Variants in MYCBP2 observed in about 807,000 individuals in gnomAD.
MYCBP2 encodes the protein E3 ubiquitin-protein ligase MYCBP2.
MYCBP2 carries 120 observed loss-of-function variants against 525.3 expected under a neutral mutation model. The ratio of observed to expected loss-of-function variants is 0.23; its 90% CI spans 0.20 to 0.27. The LOEUF (loss-of-function observed/expected upper bound fraction) is 0.27, where lower values mean the gene tolerates loss of function less well. Ranked by LOEUF, MYCBP2 falls within the 10% of genes least tolerant of loss-of-function variation. The pLI is 1.00. For missense variants in MYCBP2, 4,149 were observed against 5,657.1 expected (o/e 0.73, Z 8.55); for synonymous variants, 1,894 against 1,955.8 (o/e 0.97, Z 0.83).
In MYCBP2 at chr13:77,233,233, A is replaced by T; in HGVS notation, c.2660T>A (p.Met887Lys). 1 of 1,613,938 alleles carries T rather than the reference A, an allele frequency of 6.2e-7. No individual in the cohort carries two copies. The highest frequency in any genetic ancestry group is 1.1e-5 in the South Asian group (1 of 91,064). ...GGCTAGAGCCTGTTCTCGATGGTTC[A>T]TAAAAATAGGACCAGCAAATACAAG... ...GPLVFAGPIF[M>K]NHREQALARL... Residue 887 changes from methionine to lysine, a missense_variant, in exon 18 of 83, where the codon ATG becomes AAG. Transcript: ENST00000544440.
intron 16 of MYCBP2, 29 bp from the exon 17 acceptor site, chr13:77,243,189 C>T (rs2154316851): frequency 1.4e-6 from 2 of 1,477,932 alleles, no homozygotes; most frequent in Admixed American, 1.7e-5. Context: ...ACAACAACAA[C>T]AACAACATAT....
At chr13:77,095,903 G>C (rs917945706) in intron 57 of MYCBP2, among the ~76,000 whole-genome samples, 23 of 151,974 alleles carry the variant, frequency 1.5e-4, no homozygotes, top group African/African-American at 5.6e-4. Flanking sequence ...TGTATTCAGT[G>C]AAATTTTTTA....
intron 52 of MYCBP2, among the ~76,000 whole-genome samples, chr13:77,128,592 T>C (rs1188291471): frequency 6.6e-6 from 1 of 151,892 alleles, no homozygotes; most frequent in Non-Finnish European, 1.5e-5. Flanking sequence ...TATTAATAAG[T>C]ATAAAACAAA....
chr13:77,131,517 A>AC (rs1566645644), intron 52 of MYCBP2, among the ~76,000 whole-genome samples: 54 of 146,596 alleles, frequency 3.7e-4, no homozygotes, highest in East Asian at 1.0e-3. Context: ...CACACAAACA[A>AC]ACACACACAC....
chr13:77,224,987 A>G (rs1333756644), intron 19 of MYCBP2, among the ~76,000 whole-genome samples: 8 of 152,210 alleles, frequency 5.3e-5, no homozygotes, highest in Non-Finnish European at 7.3e-5. Flanking sequence ...TTGTTTTTAT[A>G]AAGGTTGAAC....
intron 73 of MYCBP2, among the ~76,000 whole-genome samples, chr13:77,063,832 G>A (rs1216672926): frequency 2.0e-5 from 3 of 152,170 alleles, no homozygotes; most frequent in African/African-American, 7.2e-5. Context: ...CAACACATGA[G>A]TGGTAGGAAA....
intron 23 of MYCBP2, among the ~76,000 whole-genome samples, chr13:77,210,287 G>A (rs2063826725): frequency 6.6e-6 from 1 of 150,690 alleles, no homozygotes; most frequent in East Asian, 2.0e-4. Context: ...CCGCCTCCCA[G>A]GTTCACGCCA....
chr13:77,044,830 T>A lies in MYCBP2; in HGVS notation c.*548A>T, dbSNP rs1213445274. ...TGCATTTGTAATTTAGTAATTCTTA[T>A]ACAGGACAAACATTGATATGTTTAT... is the stretch of plus-strand genomic sequence containing the variant. On this transcript the variant is annotated 3_prime_UTR_variant, in exon 83 of 83. Transcript: ENST00000544440. 2.5e-6 allele frequency: 1 copy of A among 398,762 alleles called. No individual in the cohort carries two copies. The highest frequency in any genetic ancestry group is 4.4e-6 in the Non-Finnish European group (1 of 226,026). The allele number at this position is 398,762 out of a possible 1,614,324, so 24.7% of individuals were successfully genotyped here. A position where few individuals can be genotyped will look rare whatever the true frequency, so the allele number is the denominator to read the frequency against.
chr13:77,284,759 C>G lies in MYCBP2; in HGVS notation c.594+3402G>C, dbSNP rs557324203. 3.5e-4 allele frequency among the ~76,000 whole-genome samples: 53 copies of G among 152,282 alleles called. No individual in the cohort carries two copies. The South Asian group carries it at 0.011, about 30-fold the overall frequency. On this transcript the variant is annotated intron_variant, in intron 3 of 82. Coordinates refer to ENST00000544440, the MANE Select transcript of MYCBP2 (RefSeq NM_015057.5). ...AACTATATATATCATTTACCGAGCACTTCTTTCTGCCAGGTACTGTTCTCT... is the reference window on the plus strand; with the variant it reads ...AACTATATATATCATTTACCGAGCAGTTCTTTCTGCCAGGTACTGTTCTCT...
chr13:77,324,252 TTTC>T (rs2082034724), intron 1 of MYCBP2, among the ~76,000 whole-genome samples: 2 of 152,350 alleles, frequency 1.3e-5, no homozygotes, highest in Non-Finnish European at 2.9e-5. Flanking sequence ...GTTTCATGAT[TTTC>T]TTCTTAATTT....
At position 77,206,131 on chromosome 13, in the gene MYCBP2, A is replaced by T. The variant is rs145356573; in HGVS notation, c.3589+522T>A. Among the ~76,000 whole-genome samples the T allele has an allele frequency of 1.0e-3, 157 of 152,206 alleles. 1 individual carries two copies. Among genetic ancestry groups the T allele is most frequent in the Middle Eastern group, 3.4e-3 (1 of 294 alleles). On this transcript the variant is annotated intron_variant, in intron 24 of 82. Coordinates refer to ENST00000544440, the MANE Select transcript of MYCBP2 (RefSeq NM_015057.5). Reference sequence around the variant, plus strand: ...CATTTTTAAAAGCAACAAAATACATAGTTACATAGAGTGATATAAAATTTC... The same window carrying T: ...CATTTTTAAAAGCAACAAAATACATTGTTACATAGAGTGATATAAAATTTC...
At chr13:77,129,971 C>A (rs2052459378) in intron 52 of MYCBP2, among the ~76,000 whole-genome samples, 1 of 151,680 alleles carries the variant, frequency 6.6e-6, no homozygotes, top group Admixed American at 6.6e-5. Context: ...AAGTTTAAGT[C>A]TAAAAATGTT....
chr13:77,134,133 T>C (rs1003003002), intron 52 of MYCBP2, among the ~76,000 whole-genome samples: 6 of 152,162 alleles, frequency 3.9e-5, no homozygotes, highest in African/African-American at 1.4e-4. Flanking sequence ...TTTTTGAGTC[T>C]GGACAACTTA....
chr13:77,228,691 T>TTGTGTGTG (rs34441629), intron 18 of MYCBP2, among the ~76,000 whole-genome samples: 35 of 147,184 alleles, frequency 2.4e-4, no homozygotes, highest in African/African-American at 7.3e-4. Flanking sequence ...GATGAATATG[T>TTGTGTGTG]TGTGTGTGTG....
intron 1 of MYCBP2, among the ~76,000 whole-genome samples, chr13:77,316,453 C>A (rs565572970): frequency 2.0e-5 from 3 of 152,160 alleles, no homozygotes; most frequent in African/African-American, 7.2e-5. Flanking sequence ...AACCAATGTT[C>A]CCAGCAGTCG....
intron 23 of MYCBP2, among the ~76,000 whole-genome samples, chr13:77,210,272 A>G (rs948084271): frequency 6.7e-6 from 1 of 149,560 alleles, no homozygotes. Flanking sequence ...GGCTCACTGC[A>G]AATTCCGCCT....
chr13:77,160,610 C>T (rs1237565624), intron 44 of MYCBP2, among the ~76,000 whole-genome samples: 3 of 151,986 alleles, frequency 2.0e-5, no homozygotes, highest in Non-Finnish European at 4.4e-5. Context: ...GATGCAAGAC[C>T]TAATACTGAT....
chr13:77,105,796 GATTTTTCT>G, intron 55 of MYCBP2, among the ~76,000 whole-genome samples: 1 of 152,154 alleles, frequency 6.6e-6, no homozygotes, highest in Non-Finnish European at 1.5e-5. Flanking sequence ...AAAGAATCAG[GATTTTTCT>G]CCAGTGCTCA....
At chr13:77,148,554 CCT>C (rs1232602736) in intron 47 of MYCBP2, among the ~76,000 whole-genome samples, 2 of 152,044 alleles carry the variant, frequency 1.3e-5, no homozygotes, top group Non-Finnish European at 2.9e-5. Context: ...GTTCCACTGT[CCT>C]CTCTTTAGCT....
Sources: allele counts gnomAD v4.1 joint callset (sites outside exome capture counted in the v4.1 genomes callset), GRCh38; gene constraint gnomAD v4.1.1; transcripts MANE v1.5; gene names NCBI Gene and HGNC (gene_info 2026-07-23, HGNC 2026-07-21).